The following RBPMS variants were observed in gnomAD, a reference collection of about 807,000 sequenced individuals.
The protein encoded by RBPMS is RNA-binding protein with multiple splicing.
In RBPMS, 7 loss-of-function variants were observed where a neutral mutation model predicts 26.8. The observed-to-expected ratio is 0.26, with a 90% CI of 0.15 to 0.49. The LOEUF (loss-of-function observed/expected upper bound fraction) is 0.49, where lower values mean the gene tolerates loss of function less well. Among genes scored for constraint, RBPMS ranks in the 20% least tolerant of loss-of-function variants. RBPMS has a pLI of 0.98. For synonymous variants in RBPMS, 96 were observed against 93.3 expected (o/e 1.03, Z -0.17); for missense variants, 186 against 250.0 (o/e 0.74, Z 1.73).
At chr8:30,547,273 GA>G in intron 6 of RBPMS, 2 of 1,506,306 alleles carry the variant, frequency 1.3e-6, no homozygotes, top group Non-Finnish European at 1.8e-6. Flanking sequence ...TTGAGACATG[GA>G]TTTTTTTTTT....
At chr8:30,439,840 C>T (rs545939711) in intron 1 of RBPMS, among the ~76,000 whole-genome samples, 3 of 151,840 alleles carry the variant, frequency 2.0e-5, no homozygotes, top group South Asian at 2.1e-4. Flanking sequence ...TTTGTAGAGA[C>T]GGGGTTTCAC....
chr8:30,385,167 C>T lies in RBPMS; in HGVS notation c.66+9C>T, dbSNP rs1260195835. The T allele has an allele frequency of 1.3e-6, 2 of 1,491,828 alleles. No individual in the cohort carries two copies. The highest frequency in any genetic ancestry group is 1.8e-6 in the Non-Finnish European group (2 of 1,119,040). 92.4% of individuals were successfully genotyped at this position (1,491,828 alleles called of 1,614,324 possible). On this transcript the variant is annotated intron_variant, in intron 1 of 8. Transcript: ENST00000397323. ...ACCTTCAGGAGGAGGAGGTACTGGGCGGCTCGGTGTGGTGGCGGGGGCGAC... is the reference window on the plus strand; with the variant it reads ...ACCTTCAGGAGGAGGAGGTACTGGGTGGCTCGGTGTGGTGGCGGGGGCGAC...
At chr8:30,476,892 G>A (rs1335379043) in intron 2 of RBPMS, among the ~76,000 whole-genome samples, 1 of 152,152 alleles carries the variant, frequency 6.6e-6, no homozygotes, top group Non-Finnish European at 1.5e-5. Flanking sequence ...CCTTGAGCAT[G>A]AGCTGGAATA....
chr8:30,478,501 ATTT>A (rs199724683), intron 3 of RBPMS, among the ~76,000 whole-genome samples: 1 of 139,760 alleles, frequency 7.2e-6, no homozygotes, highest in African/African-American at 2.7e-5. Flanking sequence ...TAAGAATATG[ATTT>A]TTTTTTTTTT....
intron 4 of RBPMS, among the ~76,000 whole-genome samples, chr8:30,481,916 G>GCT (rs1818324856): frequency 6.6e-6 from 1 of 152,226 alleles, no homozygotes; most frequent in South Asian, 2.1e-4. Flanking sequence ...TAAGTTTAGA[G>GCT]CTCCAACTAG....
At position 30,419,450 on chromosome 8, in the gene RBPMS, A is replaced by ATATGTGTGTGTGTGTG. The variant is rs1554509328; in HGVS notation, c.66+34293_66+34294insATGTGTGTGTGTGTGT. Among the ~76,000 whole-genome samples, 204 of 143,280 alleles carry ATATGTGTGTGTGTGTG rather than the reference A, an allele frequency of 1.4e-3. 3 individuals are homozygous for ATATGTGTGTGTGTGTG. Among genetic ancestry groups the ATATGTGTGTGTGTGTG allele is most frequent in the African/African-American group, 5.1e-3 (195 of 37,896 alleles). 94.0% of individuals were successfully genotyped at this position (143,280 alleles called of 152,430 possible). A position where few individuals can be genotyped will look rare whatever the true frequency, so the allele number is the denominator to read the frequency against. On this transcript the variant is annotated intron_variant, in intron 1 of 8. Coordinates refer to ENST00000397323, the MANE Select transcript of RBPMS (RefSeq NM_001008710.3). ...GACAGAGTGAGATTGCATCTCAAAA[A>ATATGTGTGTGTGTGTG]TGTGTGTGTGTGTGTGTGTGTGTGT...
intron 5 of RBPMS, among the ~76,000 whole-genome samples, chr8:30,526,431 G>A (rs1429931763): frequency 6.6e-6 from 1 of 152,094 alleles, no homozygotes; most frequent in African/African-American, 2.4e-5. Context: ...GTTTATTCAG[G>A]CTGCGGCATT....
chr8:30,511,625 ATG>A (rs527294454), intron 5 of RBPMS, among the ~76,000 whole-genome samples: 2 of 149,228 alleles, frequency 1.3e-5, no homozygotes, highest in African/African-American at 2.5e-5. Context: ...TTGTATATAT[ATG>A]TGTGTGTGTG....
rs114566046 is a variant in RBPMS, at chr8:30,479,449, G to A, written c.246+72G>A. The A allele has an allele frequency of 1.3e-3, 1,393 of 1,094,584 alleles. 15 individuals carry two copies. In the African/African-American group the frequency reaches 0.019, roughly 15 times the overall value. The allele number at this position is 1,094,584 out of a possible 1,614,324, so 67.8% of individuals were successfully genotyped here. On this transcript the variant is annotated intron_variant, in intron 4 of 8. Coordinates refer to ENST00000397323, the MANE Select transcript of RBPMS (RefSeq NM_001008710.3). ...GGGAAGTAATGGAATCTCTTTGGAC[G>A]GGAAATCAAGTGGAAAGAATATGAC...
intron 4 of RBPMS, among the ~76,000 whole-genome samples, chr8:30,492,830 ATTG>A (rs1819537412): frequency 6.6e-6 from 1 of 151,914 alleles, no homozygotes; most frequent in African/African-American, 2.4e-5. Flanking sequence ...TGTCCATTTT[ATTG>A]TTGTTTTCTT....
At position 30,555,546 on chromosome 8, in the gene RBPMS, TGA is replaced by T. The variant is rs530769566; in HGVS notation, c.529-3332_529-3331del. ...GTGCAAGACTGTGAGTGTGCACATT[TGA>T]GAGAGAGAACTATGGGAGAAGAGAG... On this transcript the variant is annotated intron_variant, in intron 6 of 8. Coordinates refer to ENST00000397323, the MANE Select transcript of RBPMS (RefSeq NM_001008710.3). 2.0e-3 allele frequency among the ~76,000 whole-genome samples: 306 copies of T among 152,262 alleles called. 3 individuals are homozygous for T. Among genetic ancestry groups the T allele is most frequent in the African/African-American group, 6.7e-3 (279 of 41,554 alleles).
intron 1 of RBPMS, among the ~76,000 whole-genome samples, chr8:30,430,169 G>A (rs766384117): frequency 7.9e-5 from 12 of 152,082 alleles, no homozygotes; most frequent in African/African-American, 1.4e-4. Context: ...CCAGCTACTC[G>A]TGATCATGCC....
chr8:30,391,887 A>T (rs968617632), intron 1 of RBPMS, among the ~76,000 whole-genome samples: 2 of 152,098 alleles, frequency 1.3e-5, no homozygotes, highest in Non-Finnish European at 2.9e-5. Context: ...AAATCTTTTT[A>T]TCTATTCATT....
chr8:30,461,418 G>C (rs1815880301), intron 1 of RBPMS, among the ~76,000 whole-genome samples: 2 of 152,120 alleles, frequency 1.3e-5, no homozygotes, highest in Admixed American at 1.3e-4. Context: ...TTTGGGAGAT[G>C]AAGCCTCGCC....
chr8:30,411,507 A>AT (rs1809392406), intron 1 of RBPMS, among the ~76,000 whole-genome samples: 1 of 151,988 alleles, frequency 6.6e-6, no homozygotes, highest in Admixed American at 6.6e-5. Flanking sequence ...TCTACAAAAA[A>AT]TTTAAAAATT....
chr8:30,386,958 C>T (rs1250428567), intron 1 of RBPMS: 1 of 151,986 alleles, frequency 6.6e-6, no homozygotes, highest in Non-Finnish European at 1.5e-5. Flanking sequence ...TCTGCTTGAC[C>T]CCTCTTAACA....
At chr8:30,525,976 C>T (rs1308220048) in intron 5 of RBPMS, among the ~76,000 whole-genome samples, 2 of 152,250 alleles carry the variant, frequency 1.3e-5, no homozygotes, top group Admixed American at 1.3e-4. Flanking sequence ...ATTTGATGCA[C>T]TTAAATCCCA....
chr8:30,484,465 A>G (rs1818585811), intron 4 of RBPMS, among the ~76,000 whole-genome samples: 1 of 152,214 alleles, frequency 6.6e-6, no homozygotes, highest in African/African-American at 2.4e-5. Context: ...CAGAACTTGA[A>G]GGAAAGGTAT....
intron 1 of RBPMS, among the ~76,000 whole-genome samples, chr8:30,440,500 G>A (rs968321809): frequency 2.0e-5 from 3 of 152,146 alleles, no homozygotes; most frequent in African/African-American, 7.2e-5. Context: ...ATTCATCCAT[G>A]TCGTAGCGTG....
Sources: allele counts gnomAD v4.1 joint callset (sites outside exome capture counted in the v4.1 genomes callset), GRCh38; gene constraint gnomAD v4.1.1; transcripts MANE v1.5; gene names NCBI Gene and HGNC (gene_info 2026-07-23, HGNC 2026-07-21).